The following SDK2 variants were observed in gnomAD, a reference collection of about 807,000 sequenced individuals.
The protein encoded by SDK2 is protein sidekick-2.
Under a neutral mutation model 253.9 loss-of-function variants are expected in SDK2, and 105 were observed. That is an observed-to-expected ratio of 0.41 (90% CI 0.35 to 0.49). SDK2 has a LOEUF of 0.49. Among genes scored for constraint, SDK2 ranks in the 20% least tolerant of loss-of-function variants. The pLI is 0.06. For synonymous variants in SDK2, 1,249 were observed against 1,234.9 expected, an observed-to-expected ratio of 1.01 and a Z score of -0.24; for missense variants, 2,608 against 3,003.0, an observed-to-expected ratio of 0.87 and a Z score of 3.07.
chr17:73,458,380 C>T (rs996848350), intron 3 of SDK2, among the ~76,000 whole-genome samples: 2 of 152,202 alleles, frequency 1.3e-5, no homozygotes, highest in African/African-American at 4.8e-5. Flanking sequence ...AGGCATCCCC[C>T]AGGGCACAGA....
At chr17:73,461,672 T>TG (rs1212157837) in intron 3 of SDK2, among the ~76,000 whole-genome samples, 2 of 151,738 alleles carry the variant, frequency 1.3e-5, no homozygotes, top group Non-Finnish European at 2.9e-5. Flanking sequence ...GGTGAATAGG[T>TG]GGATGGAGGA....
chr17:73,524,217 G>T (rs1219585754), intron 1 of SDK2, among the ~76,000 whole-genome samples: 1 of 152,166 alleles, frequency 6.6e-6, no homozygotes, highest in African/African-American at 2.4e-5. Context: ...TGTGTAGCAG[G>T]GACCCTCGGG....
In SDK2 at chr17:73,394,253, C is replaced by T. The variant is rs764192799; in HGVS notation, c.3664G>A (p.Glu1222Lys). Reference sequence around the variant, plus strand: ...CCGTTGCGATCAGCCTCGGGGACCTCGCTCCAGCGCACCAGCATGCTGCTG... The same window carrying T: ...CCGTTGCGATCAGCCTCGGGGACCTTGCTCCAGCGCACCAGCATGCTGCTG... ...TSSSMLVRWS[E>K]VPEADRNGLV... The change falls in exon 26 of 45, where the codon GAG (glutamate) becomes AAG (lysine). Residue 1222 changes from glutamate to lysine, a missense_variant. Glu to Lys is a moderately conservative substitution (Grantham distance 56). Transcript: ENST00000392650. The T allele has an allele frequency of 2.4e-5, 39 of 1,601,724 alleles. No homozygotes were observed. Among genetic ancestry groups the T allele is most frequent in the Non-Finnish European group, 3.0e-5 (35 of 1,171,994 alleles).
intron 12 of SDK2, among the ~76,000 whole-genome samples, chr17:73,426,303 G>A (rs1328654426): frequency 6.8e-6 from 1 of 146,662 alleles, no homozygotes; most frequent in Non-Finnish European, 1.5e-5. Context: ...CTGACCTCAG[G>A]TGATCCGCCT....
intron 28 of SDK2, among the ~76,000 whole-genome samples, chr17:73,390,851 T>C (rs2062922249): frequency 2.0e-5 from 3 of 152,158 alleles, no homozygotes; most frequent in African/African-American, 7.2e-5. Context: ...CCCCACTCTG[T>C]CTTGGGGATG....
intron 1 of SDK2, among the ~76,000 whole-genome samples, chr17:73,619,091 C>T (rs889762940): frequency 1.3e-5 from 2 of 149,920 alleles, no homozygotes; most frequent in East Asian, 2.0e-4. Context: ...TGCTTGAACC[C>T]GGGAAGTGGA....
At chr17:73,596,152 C>T (rs1255002557) in intron 1 of SDK2, among the ~76,000 whole-genome samples, 2 of 152,170 alleles carry the variant, frequency 1.3e-5, no homozygotes. Context: ...GCCTGGAGAC[C>T]TGGGTCCTGG....
intron 1 of SDK2, among the ~76,000 whole-genome samples, chr17:73,571,072 T>C (rs1167057084): frequency 1.2e-5 from 1 of 80,362 alleles, no homozygotes; most frequent in Non-Finnish European, 2.9e-5. Context: ...TGGCTCGGGT[T>C]TTTTTTTTTT....
intron 1 of SDK2, among the ~76,000 whole-genome samples, chr17:73,567,472 TCCTC>T (rs1448271440): frequency 1.3e-5 from 2 of 152,222 alleles, no homozygotes; most frequent in Non-Finnish European, 2.9e-5. Flanking sequence ...TCCCACAGGG[TCCTC>T]ACCGGGACAC....
rs139165569 is a variant in SDK2, at chr17:73,366,102, T to C, written c.5168-707A>G. Among the ~76,000 whole-genome samples, 1,295 of 152,238 alleles carry C rather than the reference T, an allele frequency of 8.5e-3. 30 individuals are homozygous for C. In the South Asian group the frequency reaches 0.09, roughly 11 times the overall value. On this transcript the variant is annotated intron_variant, in intron 37 of 44. Coordinates refer to ENST00000392650, the MANE Select transcript of SDK2 (RefSeq NM_001144952.2). ...AGGGAGGATGACCAGGCTATTATTGTCCGGCGCTGCCTCCCCACCACGCTG... is the reference window on the plus strand; with the variant it reads ...AGGGAGGATGACCAGGCTATTATTGCCCGGCGCTGCCTCCCCACCACGCTG...
chr17:73,411,925 C>T (rs1292416217), intron 18 of SDK2, among the ~76,000 whole-genome samples: 1 of 138,582 alleles, frequency 7.2e-6, no homozygotes, highest in Non-Finnish European at 1.5e-5. Flanking sequence ...GCATGCGCCA[C>T]CATGCCCAGT....
intron 15 of SDK2, among the ~76,000 whole-genome samples, chr17:73,420,115 G>A (rs1198181073): frequency 6.6e-6 from 1 of 152,200 alleles, no homozygotes; most frequent in African/African-American, 2.4e-5. Flanking sequence ...TGGCGTGTGA[G>A]GGAGAGAGCC....
At chr17:73,512,384 G>T (rs971426705) in intron 1 of SDK2, among the ~76,000 whole-genome samples, 1 of 152,072 alleles carries the variant, frequency 6.6e-6, no homozygotes, top group Non-Finnish European at 1.5e-5. Flanking sequence ...CTTAGTACTA[G>T]GATGGTGCAG....
At chr17:73,444,242 G>C (rs533295739) in intron 5 of SDK2, among the ~76,000 whole-genome samples, 1 of 152,196 alleles carries the variant, frequency 6.6e-6, no homozygotes, top group Non-Finnish European at 1.5e-5. Context: ...GCAGGGTACC[G>C]GGCAAGGCCT....
In SDK2 at chr17:73,644,286, G is replaced by T. The variant is rs568854072; in HGVS notation, c.-198C>A. 6.6e-6 allele frequency among the ~76,000 whole-genome samples: 1 copy of T among 152,198 alleles called. No individual in the cohort carries two copies. The highest frequency in any genetic ancestry group is 1.5e-5 in the Non-Finnish European group (1 of 68,022). ...TTCCTCCTCTTCTGTACTAGTCCGAGCCCGGCAGCGCGCCCGGAAGGCGAG... is the reference window on the plus strand; with the variant it reads ...TTCCTCCTCTTCTGTACTAGTCCGATCCCGGCAGCGCGCCCGGAAGGCGAG... On this transcript the variant is annotated 5_prime_UTR_variant, in exon 1 of 45. Coordinates refer to ENST00000392650, the MANE Select transcript of SDK2 (RefSeq NM_001144952.2). This position sits in a 1 kb window ranked among gnomAD's most constrained non-coding sequence, Gnocchi z 6.3.
Position 73,395,437 on chromosome 17 carries a change from C to T in SDK2, c.3355-45G>A. ...GCAAAGCTGCTATGAGCCAGGCCCC[C>T]CACTGTGCAGGGAGGAACTGCCCTG... On this transcript the variant is annotated intron_variant, in intron 24 of 44. Transcript: ENST00000392650. The surrounding 1 kb of genome is among the most constrained non-coding windows in gnomAD (Gnocchi z 4.3). 6.5e-7 allele frequency: 1 copy of T among 1,539,502 alleles called. No individual in the cohort carries two copies. Among genetic ancestry groups the T allele is most frequent in the Middle Eastern group, 1.7e-4 (1 of 5,908 alleles).
intron 1 of SDK2, among the ~76,000 whole-genome samples, chr17:73,640,151 C>T (rs1292705508): frequency 1.3e-5 from 2 of 152,124 alleles, no homozygotes; most frequent in Non-Finnish European, 2.9e-5. Flanking sequence ...GCCTCCTTTC[C>T]CTTGTAGAAC....
chr17:73,357,810 C>T, intron 40 of SDK2: 1 of 569,908 alleles, frequency 1.8e-6, no homozygotes, highest in Non-Finnish European at 3.2e-6. Flanking sequence ...AGGCTTCCGG[C>T]TTCCTGAGCA....
chr17:73,473,766 A>T (rs1403394403), intron 2 of SDK2, among the ~76,000 whole-genome samples: 1 of 152,222 alleles, frequency 6.6e-6, no homozygotes, highest in Non-Finnish European at 1.5e-5. Context: ...AGTAACACTT[A>T]AAAAAGTGGG....
Sources: allele counts gnomAD v4.1 joint callset (sites outside exome capture counted in the v4.1 genomes callset), GRCh38; gene constraint gnomAD v4.1.1; non-coding constraint Gnocchi (gnomAD v3.1); transcripts MANE v1.5; gene names NCBI Gene and HGNC (gene_info 2026-07-23, HGNC 2026-07-21).